The following CCNY variants were observed in gnomAD, a reference collection of about 807,000 sequenced individuals.
CCNY encodes cyclin Y, also known as cyclin-Y.
In CCNY, 19 loss-of-function variants were observed where a neutral mutation model predicts 42.8. The observed-to-expected ratio is 0.44, with a 90% CI of 0.31 to 0.65. The LOEUF (loss-of-function observed/expected upper bound fraction) is 0.65, where lower values mean the gene tolerates loss of function less well. Among genes scored for constraint, CCNY ranks in the 30% least tolerant of loss-of-function variants. The pLI is 0.07. For synonymous variants in CCNY, 165 were observed against 162.7 expected (o/e 1.01, Z -0.11); for missense variants, 370 against 437.3 (o/e 0.85, Z 1.37).
chr10:35,336,561 ACGCCCGCTGCC>A lies in CCNY; in HGVS notation c.-484_-474del, dbSNP rs1289723734. On this transcript the variant is annotated 5_prime_UTR_variant, in exon 1 of 10. Coordinates refer to ENST00000374704, the MANE Select transcript of CCNY (RefSeq NM_145012.6). ...CGCGAGGAGTCCGGGGGCTGCGCCC[ACGCCCGCTGCC>A]CGCCCGCTCGTCGGCTAGTCCCGCC... 6.8e-6 allele frequency among the ~76,000 whole-genome samples: 1 copy of A among 147,120 alleles called. No homozygotes were observed.
chr10:35,483,574 A>G (rs1431136199), intron 2 of CCNY, 96 bp downstream of exon 2: 1 of 785,418 alleles, frequency 1.3e-6, no homozygotes, highest in Non-Finnish European at 2.2e-6. Context: ...TCAATATGAA[A>G]TAGAGTCCCT....
chr10:35,266,485 TTCTC>T (rs980838485), intron 3 of CCNY, among the ~76,000 whole-genome samples: 1 of 151,966 alleles, frequency 6.6e-6, no homozygotes, highest in African/African-American at 2.4e-5. Context: ...ATTTAAAACA[TTCTC>T]TCTCTCACGC....
Position 35,553,180 on chromosome 10 carries a change from G to C in CCNY, c.741G>C (p.Glu247Asp). ...YCQILKDITV[E>D]DMNELERQFL... Reference sequence around the variant, plus strand: ...AGATCCTGAAAGACATCACGGTGGAGGACATGTGAGTTGGGGGGCAGAGGG... The same window carrying C: ...AGATCCTGAAAGACATCACGGTGGACGACATGTGAGTTGGGGGGCAGAGGG... The change falls in exon 8 of 10, where the codon GAG becomes GAC. Residue 247 changes from glutamate (E) to aspartate (D), a missense_variant. Coordinates refer to ENST00000374704, the MANE Select transcript of CCNY (RefSeq NM_145012.6). 1 of 1,613,848 alleles carries C rather than the reference G, an allele frequency of 6.2e-7. No individual in the cohort carries two copies. The highest frequency in any genetic ancestry group is 8.5e-7 in the Non-Finnish European group (1 of 1,179,718).
intron 3 of CCNY, among the ~76,000 whole-genome samples, chr10:35,260,040 T>C (rs1177761432): frequency 2.0e-5 from 3 of 152,150 alleles, no homozygotes; most frequent in African/African-American, 4.8e-5. Flanking sequence ...GCAATCTCTA[T>C]GTTGGGACTA....
chr10:35,391,120 A>C (rs1564393440), intron 1 of CCNY, among the ~76,000 whole-genome samples: 1 of 152,186 alleles, frequency 6.6e-6, no homozygotes, highest in South Asian at 2.1e-4. Context: ...CAGCAAGGCA[A>C]TTTTTACTTT....
At chr10:35,447,157 GT>G (rs888910607) in intron 1 of CCNY, among the ~76,000 whole-genome samples, 4 of 152,194 alleles carry the variant, frequency 2.6e-5, no homozygotes, top group Admixed American at 1.3e-4. Flanking sequence ...GGCGCCTGTA[GT>G]CTCAGCTACT....
chr10:35,382,064 TA>T (rs1328209211), intron 1 of CCNY, among the ~76,000 whole-genome samples: 2 of 152,224 alleles, frequency 1.3e-5, no homozygotes, highest in Non-Finnish European at 2.9e-5. Context: ...GAGGGTGTGT[TA>T]AAAAATATTC....
At chr10:35,528,566 G>C (rs1840700502) in intron 5 of CCNY, among the ~76,000 whole-genome samples, 1 of 152,114 alleles carries the variant, frequency 6.6e-6, no homozygotes, top group Non-Finnish European at 1.5e-5. Context: ...GCTGGGCCTG[G>C]TGGCGCGTGC....
chr10:35,259,162 C>T (rs1049922285), intron 3 of CCNY, among the ~76,000 whole-genome samples: 1 of 152,052 alleles, frequency 6.6e-6, no homozygotes, highest in African/African-American at 2.4e-5. Context: ...ATAGGGAGAC[C>T]GATTCTTGGT....
intron 3 of CCNY, among the ~76,000 whole-genome samples, chr10:35,327,918 A>C (rs1203263764): frequency 6.6e-6 from 1 of 152,062 alleles, no homozygotes; most frequent in Non-Finnish European, 1.5e-5. Flanking sequence ...CTTTCTCTCT[A>C]GCTTTTCAGA....
chr10:35,447,166 A>G (rs1838811036), intron 1 of CCNY, among the ~76,000 whole-genome samples: 1 of 152,184 alleles, frequency 6.6e-6, no homozygotes, highest in African/African-American at 2.4e-5. Context: ...AGTCTCAGCT[A>G]CTCAGGAGGC....
At chr10:35,478,372 T>C (rs1839570785) in intron 1 of CCNY, among the ~76,000 whole-genome samples, 1 of 151,740 alleles carries the variant, frequency 6.6e-6, no homozygotes, top group South Asian at 2.1e-4. Flanking sequence ...GGCATCACAC[T>C]ACCTGACTTC....
intron 7 of CCNY, among the ~76,000 whole-genome samples, chr10:35,531,951 T>C (rs2135425214): frequency 6.6e-6 from 1 of 152,354 alleles, no homozygotes; most frequent in African/African-American, 2.4e-5. Flanking sequence ...TTCATTTCTT[T>C]GGAGTAGTGT....
chr10:35,424,345 A>C (rs982910031), intron 1 of CCNY, among the ~76,000 whole-genome samples: 8 of 151,890 alleles, frequency 5.3e-5, no homozygotes, highest in Non-Finnish European at 7.4e-5. Context: ...TCCTGCCTCA[A>C]CCTCCCAAGT....
intron 7 of CCNY, among the ~76,000 whole-genome samples, chr10:35,538,389 TG>T (rs1840928793): frequency 1.3e-5 from 2 of 152,254 alleles, no homozygotes; most frequent in African/African-American, 4.8e-5. Context: ...GCAGATTGAC[TG>T]TTTTTCAAAG....
chr10:35,567,717 T>C (rs774699689), intron 9 of CCNY, among the ~76,000 whole-genome samples: 2 of 152,140 alleles, frequency 1.3e-5, no homozygotes, highest in Non-Finnish European at 2.9e-5. Flanking sequence ...TAAATAAAAA[T>C]TTAAAAAGTA....
chr10:35,414,394 C>T (rs537513365), intron 1 of CCNY, among the ~76,000 whole-genome samples: 4 of 152,324 alleles, frequency 2.6e-5, no homozygotes, highest in South Asian at 4.1e-4. Context: ...CCCCACGTTC[C>T]GTGTCCTGTG....
chr10:35,543,354 C>T (rs1178870389), intron 7 of CCNY, among the ~76,000 whole-genome samples: 2 of 152,318 alleles, frequency 1.3e-5, no homozygotes, highest in African/African-American at 2.4e-5. Context: ...CCAATGGAGT[C>T]ATACAGGACA....
At chr10:35,350,964 A>G (rs142855544) in intron 1 of CCNY, among the ~76,000 whole-genome samples, 1 of 152,338 alleles carries the variant, frequency 6.6e-6, no homozygotes, top group African/African-American at 2.4e-5. Context: ...ATGTTTATAA[A>G]TATACAAATG....
Sources: gnomAD v4.1 joint callset for allele counts (sites outside exome capture counted in the v4.1 genomes callset) on GRCh38, gnomAD v4.1.1 for gene constraint, MANE v1.5 for transcripts, NCBI Gene and HGNC (gene_info 2026-07-23, HGNC 2026-07-21) for gene names.